CCSER1: variants seen among roughly 807,000 people sequenced by gnomAD.
The protein encoded by CCSER1 is serine-rich coiled-coil domain-containing protein 1.
In CCSER1, 41 loss-of-function variants were observed where a neutral mutation model predicts 82.0. That is an observed-to-expected ratio of 0.50 (90% CI 0.39 to 0.65). The LOEUF (loss-of-function observed/expected upper bound fraction) is 0.65, where lower values mean the gene tolerates loss of function less well. Among genes scored for constraint, CCSER1 ranks in the 30% least tolerant of loss-of-function variants. The pLI is 0.00. For missense variants in CCSER1, 1,119 were observed against 1,064.2 expected (o/e 1.05, Z -0.72); for synonymous variants, 414 against 383.9 (o/e 1.08, Z -0.92).
intron 10 of CCSER1, among the ~76,000 whole-genome samples, chr4:91,212,214 C>G (rs1736872921): frequency 6.6e-6 from 1 of 151,774 alleles, no homozygotes; most frequent in Admixed American, 6.6e-5. Context: ...CCTAATCCAA[C>G]TTTATATTCC....
intron 3 of CCSER1, among the ~76,000 whole-genome samples, chr4:90,357,404 C>G (rs1744567312): frequency 6.6e-6 from 1 of 151,832 alleles, no homozygotes; most frequent in Non-Finnish European, 1.5e-5. Flanking sequence ...GTAAACTTTT[C>G]AATTAAACCA....
intron 9 of CCSER1, among the ~76,000 whole-genome samples, chr4:90,933,438 C>A (rs897781092): frequency 6.6e-6 from 1 of 151,406 alleles, no homozygotes; most frequent in Non-Finnish European, 1.5e-5. Context: ...CCGCCCACCT[C>A]GGCCTCCCCA....
intron 10 of CCSER1, among the ~76,000 whole-genome samples, chr4:91,209,159 C>G (rs994750952): frequency 2.6e-5 from 4 of 151,960 alleles, no homozygotes; most frequent in African/African-American, 9.7e-5. Context: ...CATCTGCAAA[C>G]AGTGACAGTT....
chr4:90,324,753 C>T lies in CCSER1; in HGVS notation c.1509+11706C>T, dbSNP rs551182261. On this transcript the variant is annotated intron_variant, in intron 3 of 10. Coordinates refer to ENST00000509176, the MANE Select transcript of CCSER1 (RefSeq NM_001145065.2). ...GACATGAAGTCCTTGCCCATGCCTA[C>T]ATCCTGAATGGTAATGCCTAGGTTT... Among the ~76,000 whole-genome samples the T allele has an allele frequency of 8.5e-4, 129 of 152,268 alleles. 2 individuals are homozygous for T. In the East Asian group the frequency reaches 0.023, roughly 27 times the overall value.
intron 3 of CCSER1, among the ~76,000 whole-genome samples, chr4:90,334,000 A>T (rs147851837): frequency 2.0e-4 from 31 of 152,314 alleles, no homozygotes; most frequent in African/African-American, 7.5e-4. Context: ...TATTGAATGT[A>T]GTAATCTTTG....
At chr4:90,165,042 A>G (rs1481340868) in intron 1 of CCSER1, among the ~76,000 whole-genome samples, 2 of 152,112 alleles carry the variant, frequency 1.3e-5, no homozygotes, top group East Asian at 3.8e-4. Flanking sequence ...TGACATTTCT[A>G]TCTTTTTCTG....
chr4:91,604,260 G>C lies in CCSER1; in HGVS notation c.*5203G>C, dbSNP rs906235524. 2.0e-5 allele frequency: 3 copies of C among 152,048 alleles called. No individual in the cohort carries two copies. Among genetic ancestry groups the C allele is most frequent in the Non-Finnish European group, 2.9e-5 (2 of 67,978 alleles). 9.4% of individuals were successfully genotyped at this position (152,048 alleles called of 1,614,324 possible). A position where few individuals can be genotyped will look rare whatever the true frequency, so the allele number is the denominator to read the frequency against. On this transcript the variant is annotated 3_prime_UTR_variant, in exon 11 of 11. Transcript: ENST00000509176. Reference sequence around the variant, plus strand: ...ATAGGATCTCTCCTAAGGAGGCAGAGTGATTTAAACAAACATGTGCTGCTT... The same window carrying C: ...ATAGGATCTCTCCTAAGGAGGCAGACTGATTTAAACAAACATGTGCTGCTT...
chr4:90,820,329 T>C (rs1044723495), intron 8 of CCSER1, among the ~76,000 whole-genome samples: 1 of 152,202 alleles, frequency 6.6e-6, no homozygotes, highest in African/African-American at 2.4e-5. Context: ...GGATAATTTA[T>C]GGTAATTTAT....
intron 4 of CCSER1, among the ~76,000 whole-genome samples, chr4:90,409,989 G>A (rs527841814): frequency 1.7e-4 from 26 of 151,950 alleles, no homozygotes; most frequent in South Asian, 8.3e-4. Context: ...TCCTAGTCTC[G>A]GATAAAACAG....
intron 8 of CCSER1, among the ~76,000 whole-genome samples, chr4:90,907,728 T>C (rs1373817073): frequency 1.3e-5 from 2 of 152,118 alleles, no homozygotes; most frequent in Non-Finnish European, 2.9e-5. Flanking sequence ...TTTCTCTTTG[T>C]ACTGTTTTTT....
chr4:90,952,967 T>C (rs2150357843), intron 9 of CCSER1, among the ~76,000 whole-genome samples: 1 of 152,190 alleles, frequency 6.6e-6, no homozygotes, highest in South Asian at 2.1e-4. Flanking sequence ...AAAAATTATC[T>C]AAATAGTTTC....
chr4:90,976,341 C>A (rs1320808878), intron 9 of CCSER1, among the ~76,000 whole-genome samples: 1 of 150,942 alleles, frequency 6.6e-6, no homozygotes, highest in Admixed American at 6.6e-5. Context: ...TGTTCACTTA[C>A]CAAAATGCAA....
rs181926411 is a variant in CCSER1 at position 91,536,667 on chromosome 4, G to A, written c.2218-61905G>A. On this transcript the variant is annotated intron_variant, in intron 10 of 10. Coordinates refer to ENST00000509176, the MANE Select transcript of CCSER1 (RefSeq NM_001145065.2). ...GTCACTTCCGTGACCAAAGGTCTCAGTTCCTGTCATGTAGCTCTGCCCTAT... is the reference window on the plus strand; with the variant it reads ...GTCACTTCCGTGACCAAAGGTCTCAATTCCTGTCATGTAGCTCTGCCCTAT... Among the ~76,000 whole-genome samples, 9 of 152,186 alleles carry A rather than the reference G, an allele frequency of 5.9e-5. No homozygotes were observed. The East Asian group carries it at 1.7e-3, about 29-fold the overall frequency.
intron 8 of CCSER1, among the ~76,000 whole-genome samples, chr4:90,816,502 C>G (rs1177947878): frequency 1.3e-5 from 2 of 151,878 alleles, no homozygotes; most frequent in African/African-American, 4.8e-5. Context: ...TTCTATGTAT[C>G]TATGAATATT....
At chr4:90,366,456 G>A (rs1284578851) in intron 3 of CCSER1, among the ~76,000 whole-genome samples, 1 of 151,740 alleles carries the variant, frequency 6.6e-6, no homozygotes, top group Admixed American at 6.6e-5. Flanking sequence ...GAATAATTAA[G>A]CCAGTTAATA....
chr4:90,524,326 C>G (rs542190037), intron 5 of CCSER1, among the ~76,000 whole-genome samples: 2 of 152,284 alleles, frequency 1.3e-5, no homozygotes, highest in African/African-American at 2.4e-5. Flanking sequence ...CAGCAAGCTG[C>G]CATTTTAGCA....
chr4:90,224,658 T>A (rs182648018), intron 1 of CCSER1, among the ~76,000 whole-genome samples: 3 of 152,348 alleles, frequency 2.0e-5, no homozygotes, highest in Non-Finnish European at 4.4e-5. Context: ...ATACATTCGA[T>A]GGAAGAAGAG....
intron 10 of CCSER1, among the ~76,000 whole-genome samples, chr4:91,160,887 G>A (rs1469626043): frequency 6.6e-6 from 1 of 152,106 alleles, no homozygotes; most frequent in Non-Finnish European, 1.5e-5. Flanking sequence ...CTTTTGCTGT[G>A]CAGGAGCCCT....
At chr4:91,454,614 A>T (rs1756051973) in intron 10 of CCSER1, among the ~76,000 whole-genome samples, 1 of 152,086 alleles carries the variant, frequency 6.6e-6, no homozygotes, top group Non-Finnish European at 1.5e-5. Flanking sequence ...GGGACATTTT[A>T]TTCAGCCTAT....
Sources: allele counts gnomAD v4.1 joint callset (sites outside exome capture counted in the v4.1 genomes callset), GRCh38; gene constraint gnomAD v4.1.1; transcripts MANE v1.5; gene names NCBI Gene and HGNC (gene_info 2026-07-23, HGNC 2026-07-21).